Variants in LRMDA observed in about 807,000 individuals in gnomAD.
LRMDA encodes leucine rich melanocyte differentiation associated, also known as leucine-rich melanocyte differentiation-associated protein.
Under a neutral mutation model 29.8 loss-of-function variants are expected in LRMDA, and 18 were observed. The observed-to-expected ratio is 0.60, with a 90% CI of 0.42 to 0.90. The LOEUF is 0.90. Among genes scored for constraint, LRMDA ranks in the 40% least tolerant of loss-of-function variants. The pLI is 0.00. For synonymous variants in LRMDA, 125 were observed against 109.4 expected, an observed-to-expected ratio of 1.14 and a Z score of -0.89; for missense variants, 273 against 273.9, an observed-to-expected ratio of 1.00 and a Z score of 0.02.
At chr10:75,679,500 T>C (rs959445424) in intron 2 of LRMDA, among the ~76,000 whole-genome samples, 2 of 152,206 alleles carry the variant, frequency 1.3e-5, no homozygotes, top group African/African-American at 4.8e-5. Context: ...GTAAAAGTCA[T>C]GAAGGTTCTC....
chr10:76,116,856 T>A (rs994212153), intron 5 of LRMDA, among the ~76,000 whole-genome samples: 2 of 152,182 alleles, frequency 1.3e-5, no homozygotes, highest in Non-Finnish European at 2.9e-5. Flanking sequence ...GTCTGTTACA[T>A]ACATTCAAGA....
intron 6 of LRMDA, among the ~76,000 whole-genome samples, chr10:76,545,715 G>A (rs1843414163): frequency 6.6e-6 from 1 of 150,718 alleles, no homozygotes; most frequent in African/African-American, 2.4e-5. Context: ...TGCTATTGGG[G>A]ATAAAATAAA....
intron 2 of LRMDA, among the ~76,000 whole-genome samples, chr10:75,483,628 C>T (rs578112576): frequency 6.6e-6 from 1 of 152,100 alleles, no homozygotes; most frequent in South Asian, 2.1e-4. Flanking sequence ...CTTGTAAGTC[C>T]TAGTTAATTG....
chr10:76,307,668 A>G (rs1160048664), intron 5 of LRMDA, among the ~76,000 whole-genome samples: 3 of 152,184 alleles, frequency 2.0e-5, no homozygotes, highest in Non-Finnish European at 4.4e-5. Context: ...AACCCAAAGC[A>G]GGCCACGGAT....
intron 2 of LRMDA, among the ~76,000 whole-genome samples, chr10:76,006,889 G>A (rs1022964689): frequency 6.6e-6 from 1 of 152,120 alleles, no homozygotes; most frequent in Non-Finnish European, 1.5e-5. Flanking sequence ...AAAAGCAAGC[G>A]TTAAGGGCAT....
chr10:76,163,961 C>T (rs1295611942), intron 5 of LRMDA, among the ~76,000 whole-genome samples: 2 of 152,144 alleles, frequency 1.3e-5, no homozygotes, highest in Admixed American at 1.3e-4. Context: ...TTCTGGAAAC[C>T]TTTAGACAGG....
chr10:76,087,995 C>T (rs1401272654), intron 5 of LRMDA, among the ~76,000 whole-genome samples: 1 of 152,084 alleles, frequency 6.6e-6, no homozygotes, highest in Non-Finnish European at 1.5e-5. Context: ...CAAGGTGTAC[C>T]TATAGTCCCA....
chr10:76,180,714 A>G (rs560898420), intron 5 of LRMDA, among the ~76,000 whole-genome samples: 2 of 152,184 alleles, frequency 1.3e-5, no homozygotes, highest in Non-Finnish European at 2.9e-5. Context: ...CCCTGGTTCC[A>G]TCACACTGGC....
chr10:76,507,652 A>C (rs189900936), intron 6 of LRMDA, among the ~76,000 whole-genome samples: 247 of 152,048 alleles, frequency 1.6e-3, no homozygotes, highest in African/African-American at 5.8e-3. Context: ...TTTTTAATCC[A>C]TTTTTATTTT....
At chr10:76,451,026 G>A (rs1215459993) in intron 6 of LRMDA, among the ~76,000 whole-genome samples, 1 of 152,116 alleles carries the variant, frequency 6.6e-6, no homozygotes, top group Non-Finnish European at 1.5e-5. Flanking sequence ...GTATACATAT[G>A]TTTTTCTATG....
intron 6 of LRMDA, among the ~76,000 whole-genome samples, chr10:76,519,984 T>C (rs1156833595): frequency 6.6e-6 from 1 of 152,152 alleles, no homozygotes; most frequent in Non-Finnish European, 1.5e-5. Flanking sequence ...TTTTACATGG[T>C]TAGACCTAAC....
intron 2 of LRMDA, among the ~76,000 whole-genome samples, chr10:75,535,661 T>C (rs1839936663): frequency 6.6e-6 from 1 of 152,144 alleles, no homozygotes. Context: ...ACTTTATTAT[T>C]CAAGGTTTTC....
At chr10:76,332,891 T>G (rs1840921509) in intron 6 of LRMDA, among the ~76,000 whole-genome samples, 1 of 152,186 alleles carries the variant, frequency 6.6e-6, no homozygotes, top group Non-Finnish European at 1.5e-5. Context: ...GAATTTATGG[T>G]TTGATTGAGG....
At chr10:76,537,948 A>G (rs1299179561) in intron 6 of LRMDA, among the ~76,000 whole-genome samples, 2 of 152,238 alleles carry the variant, frequency 1.3e-5, no homozygotes, top group Non-Finnish European at 2.9e-5. Context: ...GATAATAGCA[A>G]TAACACCAAC....
At chr10:75,958,384 T>G (rs979194342) in intron 2 of LRMDA, among the ~76,000 whole-genome samples, 1 of 152,246 alleles carries the variant, frequency 6.6e-6, no homozygotes, top group Non-Finnish European at 1.5e-5. Context: ...GGTTACCTTG[T>G]TAGAAACATT....
intron 6 of LRMDA, among the ~76,000 whole-genome samples, chr10:76,426,963 G>A (rs1274884577): frequency 6.6e-6 from 1 of 152,066 alleles, no homozygotes. Context: ...ATTGGTCTGT[G>A]TCTCTGTTTT....
intron 6 of LRMDA, among the ~76,000 whole-genome samples, chr10:76,446,613 A>G (rs1430769048): frequency 6.6e-6 from 1 of 152,246 alleles, no homozygotes; most frequent in Non-Finnish European, 1.5e-5. Context: ...GCTAGTAACT[A>G]GTACTTCCAA....
intron 2 of LRMDA, among the ~76,000 whole-genome samples, chr10:75,690,990 TATATACACAC>T (rs1272138432): frequency 1.1e-5 from 1 of 92,006 alleles, no homozygotes; most frequent in Non-Finnish European, 2.0e-5. Flanking sequence ...TATATATATA[TATATACACAC>T]ACACACACAC....
chr10:76,104,946 C>T (rs1389548176), intron 5 of LRMDA, among the ~76,000 whole-genome samples: 1 of 152,190 alleles, frequency 6.6e-6, no homozygotes, highest in Non-Finnish European at 1.5e-5. Context: ...GCTCCTGCTC[C>T]AGGCCTTTGC....
Sources: gnomAD v4.1 joint callset for allele counts (sites outside exome capture counted in the v4.1 genomes callset) on GRCh38, gnomAD v4.1.1 for gene constraint, MANE v1.5 for transcripts, NCBI Gene and HGNC (gene_info 2026-07-23, HGNC 2026-07-21) for gene names.